Variants in BCL2 observed in about 807,000 individuals in gnomAD.
BCL2 encodes BCL2 apoptosis regulator, also known as apoptosis regulator Bcl-2.
BCL2 carries 1 observed loss-of-function variant against 14.2 expected under a neutral mutation model. That is an observed-to-expected ratio of 0.07 (90% CI 0.02 to 0.33). The LOEUF is 0.33. Among genes scored for constraint, BCL2 ranks in the 10% least tolerant of loss-of-function variants. BCL2 has a pLI of 0.99. For missense variants in BCL2, 247 were observed against 305.9 expected, an observed-to-expected ratio of 0.81 and a Z score of 1.44; for synonymous variants, 151 against 137.2, an observed-to-expected ratio of 1.10 and a Z score of -0.70.
At chr18:63,223,648 G>A (rs551491438) in intron 2 of BCL2, among the ~76,000 whole-genome samples, 1 of 152,026 alleles carries the variant, frequency 6.6e-6, no homozygotes, top group African/African-American at 2.4e-5. Flanking sequence ...CCTGGGACAG[G>A]CAGGGCGGCA....
intron 2 of BCL2, among the ~76,000 whole-genome samples, chr18:63,263,163 G>C (rs1911711239): frequency 6.6e-6 from 1 of 152,192 alleles, no homozygotes; most frequent in Admixed American, 6.5e-5. Context: ...CCAGACATGT[G>C]GAATAGGTAT....
intron 2 of BCL2, among the ~76,000 whole-genome samples, chr18:63,211,581 A>G (rs1481971583): frequency 2.0e-5 from 3 of 152,210 alleles, no homozygotes; most frequent in East Asian, 3.8e-4. Flanking sequence ...TGGTAACTCA[A>G]CACTGTCTGC....
intron 2 of BCL2, among the ~76,000 whole-genome samples, chr18:63,277,116 T>G (rs1272414762): frequency 1.3e-5 from 2 of 152,174 alleles, no homozygotes; most frequent in Admixed American, 6.5e-5. Context: ...ACCTGCCCCC[T>G]GTCTGGGAGA....
intron 2 of BCL2, among the ~76,000 whole-genome samples, chr18:63,240,266 G>A (rs1568243583): frequency 6.6e-6 from 1 of 152,186 alleles, no homozygotes; most frequent in African/African-American, 2.4e-5. Flanking sequence ...TGGGATTACC[G>A]CTGTGAGCCA....
intron 2 of BCL2, among the ~76,000 whole-genome samples, chr18:63,243,717 T>G (rs775036204): frequency 1.4e-4 from 21 of 152,154 alleles, no homozygotes; most frequent in Non-Finnish European, 5.9e-5. Context: ...AAATAGCCTC[T>G]TAGGCTGTGT....
At chr18:63,200,213 T>C (rs1430776382) in intron 2 of BCL2, among the ~76,000 whole-genome samples, 1 of 152,210 alleles carries the variant, frequency 6.6e-6, no homozygotes, top group African/African-American at 2.4e-5. Flanking sequence ...GAGTTAGACT[T>C]ACACAGCCTC....
intron 2 of BCL2, among the ~76,000 whole-genome samples, chr18:63,193,608 GTGTATACA>G: frequency 6.8e-6 from 1 of 147,088 alleles, no homozygotes; most frequent in Middle Eastern, 3.7e-3. Flanking sequence ...GTGTGTGTGT[GTGTATACA>G]CACACACACA....
intron 2 of BCL2, among the ~76,000 whole-genome samples, chr18:63,218,648 T>C (rs867156617): frequency 2.2e-5 from 3 of 136,146 alleles, no homozygotes; most frequent in Non-Finnish European, 3.2e-5. Context: ...CATCCCATCC[T>C]CCACTCATCC....
At chr18:63,218,623 C>T (rs966116525) in intron 2 of BCL2, among the ~76,000 whole-genome samples, 2 of 55,020 alleles carry the variant, frequency 3.6e-5, no homozygotes, top group Admixed American at 1.8e-4. Context: ...TCCCCCTCCA[C>T]TCATCCCATC....
At chr18:63,246,618 T>C (rs76633497) in intron 2 of BCL2, among the ~76,000 whole-genome samples, 13,630 of 152,148 alleles carry the variant, frequency 0.09, 677 homozygotes, top group South Asian at 0.16. Flanking sequence ...ATGTGGGAAT[T>C]GTGGGAGCTA....
intron 2 of BCL2, among the ~76,000 whole-genome samples, chr18:63,219,487 C>A (rs558821161): frequency 1.5e-5 from 2 of 137,908 alleles, no homozygotes; most frequent in Non-Finnish European, 3.1e-5. Context: ...GACGGATTCT[C>A]GCTCTGTCGC....
intron 2 of BCL2, among the ~76,000 whole-genome samples, chr18:63,273,633 G>A (rs553868924): frequency 7.2e-5 from 11 of 152,104 alleles, no homozygotes; most frequent in African/African-American, 1.7e-4. Flanking sequence ...CTCATTTTTC[G>A]TGTCTATGAA....
At chr18:63,299,748 T>A (rs1340399868) in intron 2 of BCL2, among the ~76,000 whole-genome samples, 1 of 152,086 alleles carries the variant, frequency 6.6e-6, no homozygotes, top group East Asian at 1.9e-4. Flanking sequence ...TTACTCTGCT[T>A]ATTTGCATAT....
chr18:63,169,293 TTTC>T (rs1249078572), intron 2 of BCL2, among the ~76,000 whole-genome samples: 14 of 92,192 alleles, frequency 1.5e-4, no homozygotes, highest in Non-Finnish European at 2.2e-4. Context: ...TCTTTCTTTC[TTTC>T]TTTCTTTCTT....
intron 2 of BCL2, among the ~76,000 whole-genome samples, chr18:63,199,666 G>T (rs1431221657): frequency 6.6e-6 from 1 of 151,240 alleles, no homozygotes; most frequent in African/African-American, 2.4e-5. Context: ...CATGTACACA[G>T]ACATACACAC....
chr18:63,228,610 A>T lies in BCL2; in HGVS notation c.585+89472T>A, dbSNP rs1910608780. On this transcript the variant is annotated intron_variant, in intron 2 of 2. Transcript: ENST00000333681. ...CTACTGTATCTCCAGTGTTTAGGAC[A>T]TTCCTTAAAAACAATAAATGTTCAA... is the stretch of plus-strand genomic sequence containing the variant. Among the ~76,000 whole-genome samples the T allele has an allele frequency of 1.3e-5, 2 of 152,228 alleles. 1 individual carries two copies. Among genetic ancestry groups the T allele is most frequent in the South Asian group, 4.1e-4 (2 of 4,834 alleles).
intron 2 of BCL2, among the ~76,000 whole-genome samples, chr18:63,261,346 T>C (rs1198715050): frequency 6.6e-6 from 1 of 152,122 alleles, no homozygotes; most frequent in African/African-American, 2.4e-5. Flanking sequence ...TCCTTCCAAC[T>C]GCTCCCACTG....
chr18:63,317,494 C>A, intron 2 of BCL2: 1 of 951,884 alleles, frequency 1.1e-6, no homozygotes, highest in South Asian at 4.9e-5. Context: ...TAGCTCTTTA[C>A]AAACACAACT....
intron 2 of BCL2, among the ~76,000 whole-genome samples, chr18:63,148,740 AG>A (rs1599208897): frequency 6.6e-6 from 1 of 152,172 alleles, no homozygotes; most frequent in East Asian, 1.9e-4. Flanking sequence ...CTTATTATAG[AG>A]GTATCTATTA....
Sources: allele counts gnomAD v4.1 joint callset (sites outside exome capture counted in the v4.1 genomes callset), GRCh38; gene constraint gnomAD v4.1.1; transcripts MANE v1.5; gene names NCBI Gene and HGNC (gene_info 2026-07-23, HGNC 2026-07-21).